ROBO2: variants seen among roughly 807,000 people sequenced by gnomAD.
ROBO2 encodes the protein roundabout homolog 2.
ROBO2 carries 53 observed loss-of-function variants against 160.8 expected under a neutral mutation model. The observed-to-expected ratio is 0.33, with a 90% CI of 0.26 to 0.41. ROBO2 has a LOEUF of 0.41. Ranked by LOEUF, ROBO2 falls within the 10% of genes least tolerant of loss-of-function variation. The probability of loss-of-function intolerance (pLI) is 1.00; values close to 1 mark genes in which losing one functional copy is unlikely to be tolerated. For synonymous variants in ROBO2, 664 were observed against 611.7 expected, an observed-to-expected ratio of 1.09 and a Z score of -1.26; for missense variants, 1,577 against 1,722.4, an observed-to-expected ratio of 0.92 and a Z score of 1.49.
chr3:75,909,778 T>TC (rs2106713993), intron 1 of ROBO2, among the ~76,000 whole-genome samples: 1 of 152,280 alleles, frequency 6.6e-6, no homozygotes, highest in East Asian at 1.9e-4. Context: ...TCTAATTCTT[T>TC]CAGAAAGAGG....
Position 76,783,514 on chromosome 3 carries a change from C to CTT in ROBO2, c.110-314487_110-314486dup, listed in dbSNP as rs71717480. ...AGTATTTTTGTTTGGTAGTTTCTTT[C>CTT]TTTTTTTTTTTTTTCCAGTGCTTTC... On this transcript the variant is annotated intron_variant, in intron 2 of 26. Coordinates refer to the ROBO2 transcript ENST00000487694. Among the ~76,000 whole-genome samples, 942 of 139,844 alleles carry CTT rather than the reference C, an allele frequency of 6.7e-3. 7 individuals carry two copies. The highest frequency in any genetic ancestry group is 0.01 in the Non-Finnish European group (649 of 63,744). The allele number at this position is 139,844 out of a possible 152,430, so 91.7% of individuals were successfully genotyped here.
intron 2 of ROBO2, among the ~76,000 whole-genome samples, chr3:76,312,765 C>G (rs2071689213): frequency 6.6e-6 from 1 of 152,160 alleles, no homozygotes; most frequent in South Asian, 2.1e-4. Context: ...TATAGCATGT[C>G]AAAGTTTAAT....
chr3:76,274,305 T>G (rs886176318), intron 2 of ROBO2, among the ~76,000 whole-genome samples: 3 of 152,000 alleles, frequency 2.0e-5, no homozygotes, highest in African/African-American at 7.3e-5. Flanking sequence ...CATATGTAAC[T>G]AACCTGCACG....
intron 1 of ROBO2, among the ~76,000 whole-genome samples, chr3:77,064,307 A>G (rs2066618612): frequency 6.6e-6 from 1 of 152,112 alleles, no homozygotes; most frequent in Non-Finnish European, 1.5e-5. Context: ...ATATTTTTAT[A>G]CAAATTGCAA....
At chr3:77,444,466 C>T (rs1261103460) in intron 2 of ROBO2, among the ~76,000 whole-genome samples, 1 of 152,150 alleles carries the variant, frequency 6.6e-6, no homozygotes, top group East Asian at 1.9e-4. Context: ...GCCTCAATAA[C>T]TCTGTTCAAT....
At chr3:76,788,052 T>G (rs1404158529) in intron 2 of ROBO2, among the ~76,000 whole-genome samples, 8 of 151,416 alleles carry the variant, frequency 5.3e-5, no homozygotes, top group Admixed American at 5.3e-4. Context: ...GACTTTTTTT[T>G]TTCTTATCAA....
intron 2 of ROBO2, among the ~76,000 whole-genome samples, chr3:77,126,712 A>ATT (rs1278481390): frequency 1.3e-4 from 16 of 127,666 alleles, no homozygotes; most frequent in Admixed American, 1.1e-3. Flanking sequence ...ATATATATAT[A>ATT]TTTTTTTTCC....
chr3:77,450,774 A>G (rs1159902483), intron 2 of ROBO2, among the ~76,000 whole-genome samples: 1 of 152,126 alleles, frequency 6.6e-6, no homozygotes, highest in Non-Finnish European at 1.5e-5. Flanking sequence ...AAAGGTAAAG[A>G]TAGTGGAAGG....
At chr3:77,087,152 T>A (rs1310947199) in intron 1 of ROBO2, among the ~76,000 whole-genome samples, 1 of 152,154 alleles carries the variant, frequency 6.6e-6, no homozygotes, top group African/African-American at 2.4e-5. Context: ...AAAGTCAAAA[T>A]GATATCACTC....
chr3:76,087,743 A>C (rs557948458), intron 2 of ROBO2, among the ~76,000 whole-genome samples: 1 of 152,066 alleles, frequency 6.6e-6, no homozygotes, highest in Non-Finnish European at 1.5e-5. Context: ...AGTGACACTA[A>C]TGATACAAGA....
Position 76,622,294 on chromosome 3 carries a change from G to GAAAGAAAGAAAGAAAGAAAGAAA in ROBO2, c.110-475701_110-475700insGAAAAAAGAAAGAAAGAAAGAAA, listed in dbSNP as rs2089263910. ...AGAAAGAAAGAAAGAAAGAAAGAAA[G>GAAAGAAAGAAAGAAAGAAAGAAA]AAAGAAAGAAAGAAAGAAAACATAG... On this transcript the variant is annotated intron_variant, in intron 2 of 26. Transcript: ENST00000487694. Among the ~76,000 whole-genome samples the GAAAGAAAGAAAGAAAGAAAGAAA allele has an allele frequency of 6.3e-5, 7 of 111,622 alleles. No homozygotes were observed. In the South Asian group the frequency reaches 2.3e-3, roughly 37 times the overall value. The allele number at this position is 111,622 out of a possible 152,430, so 73.2% of individuals were successfully genotyped here. A position where few individuals can be genotyped will look rare whatever the true frequency, so the allele number is the denominator to read the frequency against.
chr3:76,904,580 CCTTT>C (rs1217182885), intron 2 of ROBO2, among the ~76,000 whole-genome samples: 2 of 152,142 alleles, frequency 1.3e-5, no homozygotes, highest in East Asian at 3.9e-4. Flanking sequence ...CAATTCCACT[CCTTT>C]CTTACTGCCC....
chr3:76,843,096 T>C (rs557891284), intron 2 of ROBO2, among the ~76,000 whole-genome samples: 1 of 152,088 alleles, frequency 6.6e-6, no homozygotes, highest in East Asian at 1.9e-4. Flanking sequence ...ACTTGAGCTT[T>C]ATAGAAGTAC....
At chr3:76,441,855 C>T (rs1307291400) in intron 2 of ROBO2, among the ~76,000 whole-genome samples, 2 of 152,180 alleles carry the variant, frequency 1.3e-5, no homozygotes, top group Non-Finnish European at 2.9e-5. Context: ...TTTGTCCCAC[C>T]AACTTAACTT....
chr3:76,030,644 A>G (rs1053611888), intron 2 of ROBO2, among the ~76,000 whole-genome samples: 1 of 151,952 alleles, frequency 6.6e-6, no homozygotes, highest in African/African-American at 2.4e-5. Flanking sequence ...CATTTCTTGT[A>G]TTTGTCAGGT....
intron 2 of ROBO2, among the ~76,000 whole-genome samples, chr3:77,146,774 C>G (rs1446731331): frequency 6.6e-6 from 1 of 152,074 alleles, no homozygotes; most frequent in Admixed American, 6.5e-5. Flanking sequence ...CAAGACCAGC[C>G]TGGCCAAAAT....
At chr3:77,083,806 C>T (rs918948988) in intron 1 of ROBO2, among the ~76,000 whole-genome samples, 54 of 151,902 alleles carry the variant, frequency 3.6e-4, no homozygotes, top group Middle Eastern at 3.2e-3. Flanking sequence ...AAATATGGGA[C>T]GAGGAGAGAG....
chr3:76,101,763 G>T (rs758011067), intron 2 of ROBO2, among the ~76,000 whole-genome samples: 6 of 136,444 alleles, frequency 4.4e-5, no homozygotes, highest in Non-Finnish European at 9.2e-5. Context: ...GTGTCCAAGT[G>T]TTCCCATTGT....
chr3:77,598,778 C>A (rs1243009443), intron 19 of ROBO2, among the ~76,000 whole-genome samples: 2 of 152,060 alleles, frequency 1.3e-5, no homozygotes, highest in East Asian at 3.9e-4. Context: ...AGCACCTGCT[C>A]ATCAGGAAAC....
Sources: allele counts gnomAD v4.1 joint callset (sites outside exome capture counted in the v4.1 genomes callset), GRCh38; gene constraint gnomAD v4.1.1; transcripts MANE v1.5; gene names NCBI Gene and HGNC (gene_info 2026-07-23, HGNC 2026-07-21).